The following PDGFD variants were observed in gnomAD, a reference collection of about 807,000 sequenced individuals.
The protein encoded by PDGFD is platelet derived growth factor D.
PDGFD carries 30 observed loss-of-function variants against 44.7 expected under a neutral mutation model. The observed-to-expected ratio is 0.67, with a 90% CI of 0.50 to 0.91. PDGFD has a LOEUF of 0.91. PDGFD is among the 40% of genes least tolerant of loss of function. The pLI, the probability that PDGFD is intolerant of heterozygous loss-of-function variation, is 0.00. For synonymous variants in PDGFD, 173 were observed against 168.4 expected (o/e 1.03, Z -0.21); for missense variants, 445 against 457.8 (o/e 0.97, Z 0.25).
At chr11:104,118,427 C>T (rs11226184) in intron 1 of PDGFD, among the ~76,000 whole-genome samples, 10,991 of 151,822 alleles carry the variant, frequency 0.072, 529 homozygotes, top group East Asian at 0.24. Flanking sequence ...TCCCAGCATA[C>T]AGCTGTGAGA....
chr11:103,983,053 A>G (rs921777912), intron 3 of PDGFD, among the ~76,000 whole-genome samples: 18 of 151,964 alleles, frequency 1.2e-4, no homozygotes, highest in African/African-American at 4.1e-4. Flanking sequence ...TCTTCACAGA[A>G]TTAGAAAAAA....
intron 3 of PDGFD, among the ~76,000 whole-genome samples, chr11:103,950,091 A>G (rs933469138): frequency 6.6e-5 from 10 of 152,216 alleles, no homozygotes; most frequent in African/African-American, 9.6e-5. Context: ...AATGGACCAC[A>G]TGTGACCTTG....
At chr11:104,040,447 G>C (rs1860329217) in intron 1 of PDGFD, among the ~76,000 whole-genome samples, 1 of 152,004 alleles carries the variant, frequency 6.6e-6, no homozygotes, top group South Asian at 2.1e-4. Flanking sequence ...TGTTTGAAAA[G>C]TTAGTTTCAT....
Position 104,010,615 on chromosome 11 carries a change from TTTGG to T in PDGFD, c.125-10364_125-10361del, listed in dbSNP as rs1859769904. 5.3e-5 allele frequency among the ~76,000 whole-genome samples: 8 copies of T among 152,216 alleles called. No homozygotes were observed. In the South Asian group the frequency reaches 1.5e-3, roughly 28 times the overall value. ...AATAATTTAACTTTCTGAAATGACT[TTTGG>T]TCTAATTTTTAGAATATTTGAATCT... On this transcript the variant is annotated intron_variant, in intron 1 of 6. Coordinates refer to ENST00000393158, the MANE Select transcript of PDGFD (RefSeq NM_025208.5).
intron 3 of PDGFD, among the ~76,000 whole-genome samples, chr11:103,987,772 A>G (rs1034002241): frequency 6.6e-6 from 1 of 152,152 alleles, no homozygotes; most frequent in Non-Finnish European, 1.5e-5. Flanking sequence ...ACTCATCAGG[A>G]TACTCTGAAA....
At chr11:104,074,457 C>A (rs1860925343) in intron 1 of PDGFD, among the ~76,000 whole-genome samples, 1 of 152,124 alleles carries the variant, frequency 6.6e-6, no homozygotes, top group Non-Finnish European at 1.5e-5. Context: ...CTATTTCCAA[C>A]AGAGCTTTTT....
At chr11:104,095,745 C>T (rs558073277) in intron 1 of PDGFD, among the ~76,000 whole-genome samples, 9 of 152,244 alleles carry the variant, frequency 5.9e-5, no homozygotes, top group African/African-American at 1.2e-4. Flanking sequence ...TGAACACTTG[C>T]GCATGAAATC....
At chr11:104,033,569 A>C (rs1412196031) in intron 1 of PDGFD, among the ~76,000 whole-genome samples, 1 of 152,178 alleles carries the variant, frequency 6.6e-6, no homozygotes, top group East Asian at 1.9e-4. Flanking sequence ...AAAAGATGTT[A>C]GTTTCTTTTC....
intron 1 of PDGFD, chr11:104,037,393 G>C: frequency 6.2e-7 from 1 of 1,614,068 alleles, no homozygotes; most frequent in African/African-American, 1.3e-5. Context: ...AAGGGAAAAG[G>C]CCTTGAGAGA....
At chr11:103,953,076 G>C (rs1198676507) in intron 3 of PDGFD, among the ~76,000 whole-genome samples, 2 of 152,020 alleles carry the variant, frequency 1.3e-5, no homozygotes, top group Non-Finnish European at 2.9e-5. Context: ...GTGTGGAAGA[G>C]ATATTTCTAA....
intron 6 of PDGFD, among the ~76,000 whole-genome samples, chr11:103,919,733 T>C (rs1858182826): frequency 6.6e-6 from 1 of 152,074 alleles, no homozygotes; most frequent in South Asian, 2.1e-4. Flanking sequence ...GGTCTTGAAC[T>C]CCTGACCTCA....
intron 1 of PDGFD, among the ~76,000 whole-genome samples, chr11:104,033,945 A>C (rs1413487277): frequency 6.6e-6 from 1 of 152,194 alleles, no homozygotes; most frequent in African/African-American, 2.4e-5. Flanking sequence ...GAAAATTACA[A>C]TGCTAGATTT....
chr11:104,001,201 T>C (rs1269089595), intron 1 of PDGFD, among the ~76,000 whole-genome samples: 1 of 152,196 alleles, frequency 6.6e-6, no homozygotes, highest in African/African-American at 2.4e-5. Flanking sequence ...CAATCATGAC[T>C]GCATAATGAA....
At chr11:104,157,603 T>C (rs936855928) in intron 1 of PDGFD, among the ~76,000 whole-genome samples, 2 of 152,172 alleles carry the variant, frequency 1.3e-5, no homozygotes, top group East Asian at 1.9e-4. Context: ...TTGTCCAGAA[T>C]CAAGGCAGCA....
chr11:103,940,117 T>C (rs917786574), intron 5 of PDGFD, among the ~76,000 whole-genome samples: 2 of 152,100 alleles, frequency 1.3e-5, no homozygotes, highest in African/African-American at 4.8e-5. Flanking sequence ...CATTTTCAAC[T>C]CTTCTTGAAG....
intron 1 of PDGFD, among the ~76,000 whole-genome samples, chr11:104,097,861 C>G: frequency 6.6e-6 from 1 of 152,142 alleles, no homozygotes; most frequent in East Asian, 1.9e-4. Flanking sequence ...GCCAACTATA[C>G]TGCTTCCCTT....
chr11:103,930,689 C>T (rs1858387762), intron 5 of PDGFD, among the ~76,000 whole-genome samples: 1 of 152,106 alleles, frequency 6.6e-6, no homozygotes, highest in African/African-American at 2.4e-5. Context: ...AGAGCAGCTT[C>T]CACAAGCGAT....
At chr11:104,106,172 A>T (rs1454106521) in intron 1 of PDGFD, among the ~76,000 whole-genome samples, 1 of 152,148 alleles carries the variant, frequency 6.6e-6, no homozygotes, top group Non-Finnish European at 1.5e-5. Context: ...TAATTAATAA[A>T]CTATGTAATC....
At chr11:104,139,234 G>A (rs1862050494) in intron 1 of PDGFD, among the ~76,000 whole-genome samples, 1 of 152,078 alleles carries the variant, frequency 6.6e-6, no homozygotes, top group Admixed American at 6.5e-5. Flanking sequence ...AGCTGGTAAG[G>A]AATTGTAGAA....
Sources: allele counts gnomAD v4.1 joint callset (sites outside exome capture counted in the v4.1 genomes callset), GRCh38; gene constraint gnomAD v4.1.1; transcripts MANE v1.5; gene names NCBI Gene and HGNC (gene_info 2026-07-23, HGNC 2026-07-21).